NAV2: variants seen among roughly 807,000 people sequenced by gnomAD.
NAV2 encodes the protein neuron navigator 2, also known as helicase, APC down-regulated 1.
NAV2 carries 54 observed loss-of-function variants against 223.2 expected under a neutral mutation model. The observed-to-expected ratio is 0.24, with a 90% CI of 0.19 to 0.30. The LOEUF is 0.30. Among genes scored for constraint, NAV2 ranks in the 10% least tolerant of loss-of-function variants. The probability of loss-of-function intolerance (pLI) is 1.00; values close to 1 mark genes in which losing one functional copy is unlikely to be tolerated. For missense variants in NAV2, 2,806 were observed against 3,147.5 expected (o/e 0.89, Z 2.60); for synonymous variants, 1,279 against 1,239.3 (o/e 1.03, Z -0.67).
At chr11:19,740,658 G>A (rs971188186) in intron 1 of NAV2, among the ~76,000 whole-genome samples, 2 of 152,194 alleles carry the variant, frequency 1.3e-5, no homozygotes, top group African/African-American at 4.8e-5. Context: ...AGTACAATGG[G>A]GGAATTGAAC....
intron 25 of NAV2, among the ~76,000 whole-genome samples, chr11:20,082,779 A>G (rs549855577): frequency 6.6e-6 from 1 of 152,292 alleles, no homozygotes; most frequent in African/African-American, 2.4e-5. Context: ...GTCTTGAACC[A>G]AGAGTAGGCA....
chr11:19,713,509 C>G lies in NAV2; in HGVS notation c.-187C>G. The G allele has an allele frequency of 7.2e-7, 1 of 1,381,252 alleles. No individual in the cohort carries two copies. The highest frequency in any genetic ancestry group is 9.3e-7 in the Non-Finnish European group (1 of 1,073,244). The allele number at this position is 1,381,252 out of a possible 1,614,324, so 85.6% of individuals were successfully genotyped here. On this transcript the variant is annotated 5_prime_UTR_variant, in exon 1 of 38. Transcript: ENST00000349880. This position sits in a 1 kb window ranked among gnomAD's most constrained non-coding sequence, Gnocchi z 7.2. ...GGCCAGTCCCCCATTCCCATCCCGG[C>G]ACCCCAAAGGCGCGCTCGCCCGATT...
chr11:19,596,875 G>A (rs1215041653), intron 1 of NAV2, among the ~76,000 whole-genome samples: 4 of 152,160 alleles, frequency 2.6e-5, no homozygotes, highest in Non-Finnish European at 5.9e-5. Context: ...TCGTCTTTAC[G>A]GCAAACCCAG....
intron 10 of NAV2, chr11:19,981,358 C>T (rs889023427): frequency 6.6e-6 from 1 of 152,190 alleles, no homozygotes; most frequent in African/African-American, 2.4e-5. Flanking sequence ...CGTTTCTCAG[C>T]ATTCTGTGTC....
chr11:19,913,983 G>A lies in NAV2; in HGVS notation c.932-19193G>A, dbSNP rs186320639. 2.2e-3 allele frequency among the ~76,000 whole-genome samples: 328 copies of A among 151,252 alleles called. 1 individual carries two copies. The highest frequency in any genetic ancestry group is 3.5e-3 in the Non-Finnish European group (236 of 68,008). On this transcript the variant is annotated intron_variant, in intron 6 of 37. Coordinates refer to ENST00000349880, the MANE Select transcript of NAV2 (RefSeq NM_145117.5). ...CCTAGACATCAGCTGTGGACTCCCC[G>A]AGCCAGTGTTATTGCTGGAGTCAGC...
At chr11:19,859,135 C>CTTTTTTTTTT (rs2061539413) in intron 3 of NAV2, among the ~76,000 whole-genome samples, 1 of 102,056 alleles carries the variant, frequency 9.8e-6, no homozygotes, top group African/African-American at 3.9e-5. Context: ...AAATCATATT[C>CTTTTTTTTTT]TCTTTTTTTT....
intron 8 of NAV2, among the ~76,000 whole-genome samples, chr11:19,942,792 T>G (rs1435706889): frequency 6.6e-6 from 1 of 152,182 alleles, no homozygotes; most frequent in Non-Finnish European, 1.5e-5. Flanking sequence ...GAGACTAGCC[T>G]GGGCAACACA....
At chr11:19,352,954 G>A (rs1487518607) in intron 1 of NAV2, among the ~76,000 whole-genome samples, 2 of 152,142 alleles carry the variant, frequency 1.3e-5, no homozygotes, top group African/African-American at 2.4e-5. Flanking sequence ...TTTGCGTCAA[G>A]TGTGAAGCTA....
At chr11:20,117,217 T>TA (rs2063183448) in intron 37 of NAV2, among the ~76,000 whole-genome samples, 1 of 146,478 alleles carries the variant, frequency 6.8e-6, no homozygotes, top group East Asian at 2.3e-4. Flanking sequence ...AAGTAGTTTT[T>TA]ATTCCCTCTC....
intron 1 of NAV2, among the ~76,000 whole-genome samples, chr11:19,762,859 G>A (rs979093479): frequency 3.3e-5 from 5 of 151,952 alleles, no homozygotes; most frequent in East Asian, 1.9e-4. Flanking sequence ...TGATCCGCCC[G>A]CCTCAGCCTC....
At position 20,080,082 on chromosome 11, in the gene NAV2, C is replaced by G. The variant is rs760700280; in HGVS notation, c.5198C>G (p.Ser1733Cys). ...TCTCCAGGAAACGGCACTGCCCAGTCTGCAGACCTCCGCATCCGCAGGCAG... is the reference window on the plus strand; with the variant it reads ...TCTCCAGGAAACGGCACTGCCCAGTGTGCAGACCTCCGCATCCGCAGGCAG... ...LNCKGNGTAQ[S>C]ADLRIRRQHS... Residue 1733 changes from serine to cysteine, a missense_variant, in exon 25 of 38, where the codon TCT becomes TGT. Physicochemically the swap from Ser to Cys is moderately radical, Grantham distance 112. Around this residue, in one of 4 missense-constraint regions of NAV2, gnomAD observed 824 missense variants for 1,069.4 expected, o/e 0.77. Coordinates refer to ENST00000349880, the MANE Select transcript of NAV2 (RefSeq NM_145117.5). 6.2e-7 allele frequency: 1 copy of G among 1,613,986 alleles called. No homozygotes were observed. Among genetic ancestry groups the G allele is most frequent in the Non-Finnish European group, 8.5e-7 (1 of 1,180,012 alleles).
chr11:20,077,485 GC>G lies in NAV2; in HGVS notation c.4984-65del, dbSNP rs2059834042. ...ACCCACAGGATTTTCATCTTTAAGA[GC>G]CAGACACCTTCTAAGCACTCTTGCC... On this transcript the variant is annotated intron_variant, in intron 22 of 37. Coordinates refer to ENST00000349880, the MANE Select transcript of NAV2 (RefSeq NM_145117.5). 4.7e-6 allele frequency: 6 copies of G among 1,268,340 alleles called. No homozygotes were observed. The South Asian group carries it at 7.3e-5, about 15-fold the overall frequency. 78.6% of individuals were successfully genotyped at this position (1,268,340 alleles called of 1,614,324 possible).
intron 5 of NAV2, among the ~76,000 whole-genome samples, chr11:19,882,651 C>A (rs1358403023): frequency 1.3e-5 from 2 of 152,206 alleles, no homozygotes; most frequent in African/African-American, 4.8e-5. Flanking sequence ...ATATTCCAGT[C>A]AGAGCACCCA....
chr11:20,040,814 C>T (rs538451696), intron 12 of NAV2, among the ~76,000 whole-genome samples: 3 of 152,334 alleles, frequency 2.0e-5, no homozygotes, highest in East Asian at 1.9e-4. Flanking sequence ...GTCCTGTTGG[C>T]TGGTTCCGCT....
chr11:19,786,265 C>T (rs929012106), intron 1 of NAV2, among the ~76,000 whole-genome samples: 1 of 152,188 alleles, frequency 6.6e-6, no homozygotes, highest in Admixed American at 6.5e-5. Context: ...GTTGTGGTTA[C>T]AGTCCGCTAT....
chr11:19,625,320 T>C (rs750284051), intron 1 of NAV2, among the ~76,000 whole-genome samples: 5 of 152,226 alleles, frequency 3.3e-5, no homozygotes, highest in African/African-American at 4.8e-5. Flanking sequence ...AAATGCAGTG[T>C]TTAGCTTGTT....
intron 1 of NAV2, among the ~76,000 whole-genome samples, chr11:19,449,396 C>CA (rs1227657149): frequency 0.034 from 4,104 of 121,942 alleles, 69 homozygotes; most frequent in Middle Eastern, 0.058. Context: ...GACTCCATCT[C>CA]AAAAAAAAAA....
intron 1 of NAV2, among the ~76,000 whole-genome samples, chr11:19,818,771 GTTAC>G (rs985279582): frequency 6.6e-6 from 1 of 152,216 alleles, no homozygotes; most frequent in African/African-American, 2.4e-5. Context: ...TCATGGCAGT[GTTAC>G]TTACCAGTGC....
intron 12 of NAV2, among the ~76,000 whole-genome samples, chr11:20,041,875 G>A (rs1053520863): frequency 6.6e-5 from 10 of 152,112 alleles, no homozygotes; most frequent in South Asian, 2.1e-4. Flanking sequence ...GATCACTGTC[G>A]CCTACCCACC....
Sources: allele counts gnomAD v4.1 joint callset (sites outside exome capture counted in the v4.1 genomes callset), GRCh38; gene constraint gnomAD v4.1.1; regional missense constraint gnomAD v4.1.1; non-coding constraint Gnocchi (gnomAD v3.1); transcripts MANE v1.5; gene names NCBI Gene and HGNC (gene_info 2026-07-23, HGNC 2026-07-21).